The following PRDM2 variants were observed in gnomAD, a reference collection of about 807,000 sequenced individuals.
The protein encoded by PRDM2 is PR/SET domain 2.
Under a neutral mutation model 130.0 loss-of-function variants are expected in PRDM2, and 30 were observed. The ratio of observed to expected loss-of-function variants is 0.23; its 90% CI spans 0.17 to 0.31. PRDM2 has a LOEUF of 0.31. Among genes scored for constraint, PRDM2 ranks in the 10% least tolerant of loss-of-function variants. The pLI is 1.00. For missense variants in PRDM2, 2,011 were observed against 2,108.4 expected (o/e 0.95, Z 0.90); for synonymous variants, 871 against 782.4 (o/e 1.11, Z -1.89).
At chr1:13,804,056 C>G (rs1645050007) in intron 8 of PRDM2, among the ~76,000 whole-genome samples, 1 of 152,164 alleles carries the variant, frequency 6.6e-6, no homozygotes, top group African/African-American at 2.4e-5. Flanking sequence ...TCCTTCTATT[C>G]ACACCTCTTA....
rs1018973109 is a variant in PRDM2, at chr1:13,700,247, A to AGCGGCG, written c.-107_-102dup. 6 of 151,254 alleles carry AGCGGCG rather than the reference A, an allele frequency of 4.0e-5. No homozygotes were observed. Among genetic ancestry groups the AGCGGCG allele is most frequent in the Non-Finnish European group, 7.4e-5 (5 of 67,818 alleles). The allele number at this position is 151,254 out of a possible 1,614,324, so 9.4% of individuals were successfully genotyped here. A position where few individuals can be genotyped will look rare whatever the true frequency, so the allele number is the denominator to read the frequency against. ...CCGCGGGCGCCGGGGCCGGCGAAACAGCGGCGGCGGCGGCGGCCCTCGGTG... is the reference window on the plus strand; with the variant it reads ...CCGCGGGCGCCGGGGCCGGCGAAACAGCGGCGGCGGCGGCGGCGGCGGCCCTCGGTG... On this transcript the variant is annotated 5_prime_UTR_variant, in exon 1 of 10. Transcript: ENST00000311066.
At chr1:13,816,742 C>T (rs186068450) in intron 9 of PRDM2, among the ~76,000 whole-genome samples, 172 bp downstream of exon 9, 7 of 152,292 alleles carry the variant, frequency 4.6e-5, no homozygotes, top group East Asian at 3.9e-4. Context: ...GTGCAGACTC[C>T]GGACCACTTG....
intron 1 of PRDM2, among the ~76,000 whole-genome samples, chr1:13,701,437 A>C (rs1389095276): frequency 6.6e-6 from 1 of 152,172 alleles, no homozygotes; most frequent in African/African-American, 2.4e-5. Context: ...AGTTGTGTCC[A>C]AGTATTAGAA....
rs751957382 is a variant in PRDM2, at chr1:13,731,026, C to G, written c.36C>G (p.Thr12=). The G allele has an allele frequency of 1.2e-6, 2 of 1,611,932 alleles. No individual in the cohort carries two copies. The highest frequency in any genetic ancestry group is 2.2e-5 in the East Asian group (1 of 44,778). The change falls in exon 3 of 10, where the codon ACC becomes ACG. Residue 12 remains threonine (T), a synonymous_variant. Coordinates refer to ENST00000311066, the MANE Select transcript of PRDM2 (RefSeq NM_001393986.1). Reference sequence around the variant, plus strand: ...ACACTACTGAGCCTGTGGCGGCCACCGAGACCCTGGCTGAGGTACCCGAAC... The same window carrying G: ...ACACTACTGAGCCTGTGGCGGCCACGGAGACCCTGGCTGAGGTACCCGAAC... ...NQNTTEPVAA[T]ETLAEVPEHV... is the part of the protein sequence containing the mutation.
intron 8 of PRDM2, among the ~76,000 whole-genome samples, chr1:13,796,962 A>G (rs1310035509): frequency 2.0e-5 from 3 of 152,208 alleles, no homozygotes; most frequent in South Asian, 2.1e-4. Flanking sequence ...AAGTGCAATC[A>G]ATTCCTTTCT....
chr1:13,815,751 C>T (rs558882886), intron 8 of PRDM2, among the ~76,000 whole-genome samples: 4 of 152,190 alleles, frequency 2.6e-5, no homozygotes, highest in South Asian at 2.1e-4. Context: ...TTACTGGGGG[C>T]GGTGGTTGGG....
intron 2 of PRDM2, among the ~76,000 whole-genome samples, chr1:13,730,713 G>A (rs1201617070): frequency 1.3e-5 from 2 of 152,182 alleles, no homozygotes; most frequent in Non-Finnish European, 2.9e-5. Flanking sequence ...TGTGTTTAAA[G>A]CAGTATGGTG....
In PRDM2 at chr1:13,782,829, C is replaced by T. The variant is rs1484542096; in HGVS notation, c.5034C>T (p.Phe1678=). The change falls in exon 8 of 10, where the codon TTC becomes TTT. Residue 1678 remains phenylalanine (F), a splice_region_variant and synonymous_variant. Transcript: ENST00000311066. ...DGSAKQELKD[F]SYSLRLASRC... is the part of the protein sequence containing the mutation. ...GCGCCAAGCAGGAGCTGAAGGACTT[C>T]AGGTAAGCTCAGGAGCTGGTGGGAG... The T allele has an allele frequency of 1.9e-6, 3 of 1,608,582 alleles. No individual in the cohort carries two copies. The highest frequency in any genetic ancestry group is 2.5e-6 in the Non-Finnish European group (3 of 1,179,298).
At position 13,794,813 on chromosome 1, in the gene PRDM2, G is replaced by C. The variant is rs567589451; in HGVS notation, c.5036+11982G>C. Among the ~76,000 whole-genome samples the C allele has an allele frequency of 3.3e-5, 5 of 152,316 alleles. No homozygotes were observed. The South Asian group carries it at 1.0e-3, about 32-fold the overall frequency. ...AGATTTCATGACAGCGTGAGTTGTA[G>C]TAGCCAGAACATTCCCTCATTATCT... On this transcript the variant is annotated intron_variant, in intron 8 of 9. Coordinates refer to ENST00000311066, the MANE Select transcript of PRDM2 (RefSeq NM_001393986.1).
At chr1:13,816,634 G>T (rs750602229) in intron 9 of PRDM2, 64 bp downstream of exon 9, 1 of 1,565,412 alleles carries the variant, frequency 6.4e-7, no homozygotes, top group Admixed American at 1.7e-5. Flanking sequence ...GTGGGCTTGG[G>T]TCTTGGGTGG....
At chr1:13,785,078 T>C (rs1472378726) in intron 8 of PRDM2, among the ~76,000 whole-genome samples, 1 of 152,246 alleles carries the variant, frequency 6.6e-6, no homozygotes, top group Non-Finnish European at 1.5e-5. Flanking sequence ...ACCTGGGTAA[T>C]ATGATGATTG....
At chr1:13,819,578 T>C (rs1350133184) in intron 9 of PRDM2, among the ~76,000 whole-genome samples, 3 of 152,228 alleles carry the variant, frequency 2.0e-5, no homozygotes, top group Non-Finnish European at 4.4e-5. Context: ...TAAAAAAATC[T>C]CTTTATACTG....
Position 13,711,402 on chromosome 1 carries a change from G to A in PRDM2, c.-65-4139G>A, listed in dbSNP as rs552375416. On this transcript the variant is annotated intron_variant, in intron 1 of 9. Transcript: ENST00000311066. ...TTGCTTTAGTATTCTATTGCAGCTC[G>A]TCACATGGTTACCACATTCAGAGGT... Among the ~76,000 whole-genome samples, 5 of 102,274 alleles carry A rather than the reference G, an allele frequency of 4.9e-5. No homozygotes were observed. The East Asian group carries it at 8.6e-4, about 18-fold the overall frequency. 67.1% of individuals were successfully genotyped at this position (102,274 alleles called of 152,430 possible).
At chr1:13,729,275 T>C (rs1643024319) in intron 2 of PRDM2, among the ~76,000 whole-genome samples, 1 of 152,184 alleles carries the variant, frequency 6.6e-6, no homozygotes, top group African/African-American at 2.4e-5. Flanking sequence ...TTAGCAGACA[T>C]GGTGACTTTT....
At chr1:13,810,218 A>C (rs560093591) in intron 8 of PRDM2, among the ~76,000 whole-genome samples, 24 of 152,314 alleles carry the variant, frequency 1.6e-4, no homozygotes, top group Non-Finnish European at 3.1e-4. Context: ...GAAATTAAGC[A>C]TGCATGGAAC....
Position 13,816,411 on chromosome 1 carries a change from TC to T in PRDM2, c.5037-14del. On this transcript the variant is annotated splice_polypyrimidine_tract_variant and intron_variant, in intron 8 of 9. Transcript: ENST00000311066. Reference sequence around the variant, plus strand: ...GGGCTCCTGTGACAATGTGTGTTGTTCCTCTTCCTGCACAGCTACAGCCTCC... The same window carrying T: ...GGGCTCCTGTGACAATGTGTGTTGTTCTCTTCCTGCACAGCTACAGCCTCC... 2 of 1,613,828 alleles carry T rather than the reference TC, an allele frequency of 1.2e-6. No homozygotes were observed. The highest frequency in any genetic ancestry group is 1.7e-6 in the Non-Finnish European group (2 of 1,179,900).
chr1:13,745,721 C>A (rs1345997818), intron 5 of PRDM2, among the ~76,000 whole-genome samples: 3 of 152,138 alleles, frequency 2.0e-5, no homozygotes, highest in Non-Finnish European at 4.4e-5. Flanking sequence ...CCGTGCCCAG[C>A]CTTTTGTTTG....
At chr1:13,741,344 T>C (rs765325351) in intron 4 of PRDM2, among the ~76,000 whole-genome samples, 15 of 152,218 alleles carry the variant, frequency 9.9e-5, no homozygotes, top group Non-Finnish European at 1.8e-4. Context: ...CCACTGATAT[T>C]TCCCAGAGTC....
At chr1:13,739,108 G>A (rs766355804) in intron 4 of PRDM2, among the ~76,000 whole-genome samples, 21 of 150,416 alleles carry the variant, frequency 1.4e-4, no homozygotes, top group Non-Finnish European at 8.9e-5. Context: ...GTGCAGTGAC[G>A]CGATCTTGGC....
Sources: gnomAD v4.1 joint callset for allele counts (sites outside exome capture counted in the v4.1 genomes callset) on GRCh38, gnomAD v4.1.1 for gene constraint, MANE v1.5 for transcripts, NCBI Gene and HGNC (gene_info 2026-07-23, HGNC 2026-07-21) for gene names.